EPB41L2: variants seen among roughly 807,000 people sequenced by gnomAD.
The protein encoded by EPB41L2 is erythrocyte membrane protein band 4.1 like 2.
EPB41L2 carries 43 observed loss-of-function variants against 113.0 expected under a neutral mutation model. That is an observed-to-expected ratio of 0.38 (90% CI 0.30 to 0.49). The LOEUF (loss-of-function observed/expected upper bound fraction) is 0.49. Among genes scored for constraint, EPB41L2 ranks in the 20% least tolerant of loss-of-function variants. EPB41L2 has a pLI of 0.95. For missense variants in EPB41L2, 1,147 were observed against 1,223.4 expected (o/e 0.94, Z 0.93); for synonymous variants, 442 against 436.7 (o/e 1.01, Z -0.15).
intron 1 of EPB41L2, among the ~76,000 whole-genome samples, chr6:130,988,577 G>T (rs1363717414): frequency 2.0e-5 from 3 of 152,142 alleles, no homozygotes; most frequent in Non-Finnish European, 4.4e-5. Flanking sequence ...CAGGGCATCC[G>T]AAGGGGCTGT....
Position 130,901,005 on chromosome 6 carries a change from T to C in EPB41L2, c.1105A>G (p.Lys369Glu), listed in dbSNP as rs1418782663. ...TCTGCCACCTTCTCTTCCAGCTCCT[T>C]AGTCTGAGTAGGGGCAAACTGGAAT... ...SEFQFAPTQT[K>E]ELEEKVAELH... The change falls in exon 7 of 20, where the codon AAG becomes GAG. Residue 369 changes from lysine to glutamate, a missense_variant. Physicochemically the swap from Lys to Glu is moderately conservative, Grantham distance 56. Coordinates refer to ENST00000337057, the MANE Select transcript of EPB41L2 (RefSeq NM_001431.4). 1.1e-5 allele frequency: 17 copies of C among 1,614,018 alleles called. No individual in the cohort carries two copies. Among genetic ancestry groups the C allele is most frequent in the Non-Finnish European group, 1.4e-5 (17 of 1,180,006 alleles).
chr6:130,872,405 T>G (rs1411849778), intron 14 of EPB41L2: 2 of 1,289,124 alleles, frequency 1.6e-6, no homozygotes, highest in Non-Finnish European at 2.0e-6. Context: ...GGAAGAAAGC[T>G]TTTCAGAAGG....
chr6:130,957,882 G>A (rs1817992726), intron 1 of EPB41L2, among the ~76,000 whole-genome samples: 1 of 152,082 alleles, frequency 6.6e-6, no homozygotes, highest in South Asian at 2.1e-4. Context: ...ATTCCCCGTC[G>A]CCCCCTGGCA....
At chr6:130,900,242 T>C (rs879787064) in intron 7 of EPB41L2, among the ~76,000 whole-genome samples, 5 of 152,214 alleles carry the variant, frequency 3.3e-5, no homozygotes, top group Admixed American at 1.3e-4. Context: ...ATATTTTTTT[T>C]AAAGAAAAAT....
At chr6:130,918,580 C>T (rs1445583970) in intron 4 of EPB41L2, among the ~76,000 whole-genome samples, 1 of 152,068 alleles carries the variant, frequency 6.6e-6, no homozygotes, top group Non-Finnish European at 1.5e-5. Context: ...ATTAAAAAAG[C>T]TTTAACACTA....
chr6:130,944,846 A>G (rs561376879), intron 3 of EPB41L2, among the ~76,000 whole-genome samples: 65 of 152,294 alleles, frequency 4.3e-4, no homozygotes, highest in East Asian at 9.7e-4. Context: ...CCAGCTAAGG[A>G]GTGACTTGAT....
intron 16 of EPB41L2, among the ~76,000 whole-genome samples, chr6:130,866,273 GAT>G (rs962842652): frequency 6.6e-5 from 10 of 152,182 alleles, no homozygotes; most frequent in Non-Finnish European, 1.0e-4. Flanking sequence ...TGTTTGCTTT[GAT>G]ATTGAAAGAT....
intron 1 of EPB41L2, among the ~76,000 whole-genome samples, chr6:131,018,524 A>G (rs1344990887): frequency 6.6e-6 from 1 of 152,078 alleles, no homozygotes; most frequent in Non-Finnish European, 1.5e-5. Context: ...CACTGTGGTA[A>G]TTTTTTCGTA....
At chr6:131,020,998 T>C (rs1398037260) in intron 1 of EPB41L2, among the ~76,000 whole-genome samples, 1 of 152,104 alleles carries the variant, frequency 6.6e-6, no homozygotes, top group Admixed American at 6.5e-5. Context: ...GGGTCTTGTT[T>C]TATTTCCCAA....
At chr6:131,034,740 T>A (rs61440162) in intron 1 of EPB41L2, among the ~76,000 whole-genome samples, 3,706 of 152,276 alleles carry the variant, frequency 0.024, 162 homozygotes, top group African/African-American at 0.085. Flanking sequence ...TCCTGAAAAC[T>A]ATACTTGAAA....
At chr6:130,900,523 C>A (rs1795996230) in intron 7 of EPB41L2, among the ~76,000 whole-genome samples, 1 of 152,186 alleles carries the variant, frequency 6.6e-6, no homozygotes, top group South Asian at 2.1e-4. Flanking sequence ...AGTTACTATT[C>A]CTACGTCCAT....
chr6:130,876,632 G>A, intron 14 of EPB41L2: 2 of 1,171,012 alleles, frequency 1.7e-6, no homozygotes, highest in Non-Finnish European at 1.1e-6. Context: ...AAAAGGAAAG[G>A]GGGAAAAAGC....
In EPB41L2 at chr6:130,870,018, T is replaced by A. The variant is rs1419466222; in HGVS notation, c.2152A>T (p.Ser718Cys). ...EMNGKEISPGSGPGEIRKVEP... is the reference protein window; with the variant it reads ...EMNGKEISPGCGPGEIRKVEP... Reference sequence around the variant, plus strand: ...ACCTTACGAATCTCCCCAGGACCACTCCCAGGTGATATCTCTTTACCATTC... The same window carrying A: ...ACCTTACGAATCTCCCCAGGACCACACCCAGGTGATATCTCTTTACCATTC... Residue 718 changes from serine to cysteine, a missense_variant, in exon 15 of 20, where the codon AGT (serine) becomes TGT (cysteine). Ser to Cys is a moderately radical substitution (Grantham distance 112). Coordinates refer to ENST00000337057, the MANE Select transcript of EPB41L2 (RefSeq NM_001431.4). 6 of 1,613,862 alleles carry A rather than the reference T, an allele frequency of 3.7e-6. No homozygotes were observed. Among genetic ancestry groups the A allele is most frequent in the Non-Finnish European group, 5.1e-6 (6 of 1,180,012 alleles).
At chr6:130,851,267 T>C (rs1194053033) in intron 19 of EPB41L2, among the ~76,000 whole-genome samples, 1 of 152,218 alleles carries the variant, frequency 6.6e-6, no homozygotes, top group African/African-American at 2.4e-5. Flanking sequence ...AGGGTTCTTT[T>C]CTCTCATCAA....
intron 19 of EPB41L2, among the ~76,000 whole-genome samples, chr6:130,842,327 C>A (rs1775771461): frequency 6.6e-6 from 1 of 151,794 alleles, no homozygotes; most frequent in South Asian, 2.1e-4. Flanking sequence ...AATAGAAAGT[C>A]TTTTTTTAGG....
intron 1 of EPB41L2, among the ~76,000 whole-genome samples, chr6:131,010,009 C>A (rs759536977): frequency 6.6e-6 from 1 of 152,216 alleles, no homozygotes; most frequent in Non-Finnish European, 1.5e-5. Context: ...AAGTGATAAG[C>A]ACCAATGCTC....
intron 1 of EPB41L2, among the ~76,000 whole-genome samples, chr6:130,972,955 A>C (rs1171021988): frequency 6.7e-6 from 1 of 149,342 alleles, no homozygotes; most frequent in South Asian, 2.1e-4. Context: ...AAAAAAAAAA[A>C]AAAAAAAACA....
At chr6:131,042,133 C>G (rs1436263151) in intron 1 of EPB41L2, among the ~76,000 whole-genome samples, 1 of 152,096 alleles carries the variant, frequency 6.6e-6, no homozygotes, top group African/African-American at 2.4e-5. Flanking sequence ...ATTCATTATT[C>G]TACTCTATGT....
chr6:131,032,640 T>C (rs1335709581), intron 1 of EPB41L2, among the ~76,000 whole-genome samples: 1 of 152,216 alleles, frequency 6.6e-6, no homozygotes, highest in African/African-American at 2.4e-5. Flanking sequence ...AAATTCTGTT[T>C]ACTACAGCTC....
Sources: gnomAD v4.1 joint callset for allele counts (sites outside exome capture counted in the v4.1 genomes callset) on GRCh38, gnomAD v4.1.1 for gene constraint, MANE v1.5 for transcripts, NCBI Gene and HGNC (gene_info 2026-07-23, HGNC 2026-07-21) for gene names.